The following GOLGA4 variants were observed in gnomAD, a reference collection of about 807,000 sequenced individuals.
The protein encoded by GOLGA4 is golgin A4, also known as golgin subfamily A member 4.
In GOLGA4, 169 loss-of-function variants were observed where a neutral mutation model predicts 265.9. The observed-to-expected ratio is 0.64, with a 90% CI of 0.56 to 0.72. The LOEUF is 0.72. Ranked by LOEUF, GOLGA4 falls within the 30% of genes least tolerant of loss-of-function variation. The pLI is 0.00. For synonymous variants in GOLGA4, 923 were observed against 855.8 expected (o/e 1.08, Z -1.37); for missense variants, 2,482 against 2,483.4 (o/e 1.00, Z 0.01).
At chr3:37,362,780 C>CCTT (rs1375290747) in intron 23 of GOLGA4, among the ~76,000 whole-genome samples, 5 of 75,456 alleles carry the variant, frequency 6.6e-5, no homozygotes, top group African/African-American at 2.1e-4. Flanking sequence ...AGCCTCTAAG[C>CCTT]TTTTTTTTTT....
intron 2 of GOLGA4, chr3:37,275,690 G>C: frequency 1.2e-6 from 2 of 1,611,938 alleles, no homozygotes; most frequent in Non-Finnish European, 1.7e-6. Flanking sequence ...ACCTGCCGGA[G>C]CCATGGAGGA....
intron 9 of GOLGA4, among the ~76,000 whole-genome samples, chr3:37,300,306 T>C (rs2096889312): frequency 6.6e-6 from 1 of 152,166 alleles, no homozygotes; most frequent in Admixed American, 6.5e-5. Flanking sequence ...TCCCAGTTTG[T>C]TCCATAGCAT....
At chr3:37,283,610 C>T (rs2096840510) in intron 3 of GOLGA4, among the ~76,000 whole-genome samples, 1 of 152,118 alleles carries the variant, frequency 6.6e-6, no homozygotes, top group Non-Finnish European at 1.5e-5. Flanking sequence ...CTTCAACTTC[C>T]TGGGCCCAAG....
intron 4 of GOLGA4, among the ~76,000 whole-genome samples, chr3:37,287,251 G>A (rs971681670): frequency 3.3e-5 from 5 of 152,196 alleles, no homozygotes; most frequent in Non-Finnish European, 7.3e-5. Context: ...TGAGGCAGGA[G>A]AATTGCTTGA....
intron 2 of GOLGA4, among the ~76,000 whole-genome samples, chr3:37,267,426 G>A (rs9809152): frequency 0.014 from 2,097 of 152,258 alleles, 45 homozygotes; most frequent in African/African-American, 0.048. Flanking sequence ...TTATTTTGCA[G>A]TTACCTGTTT....
At chr3:37,302,995 C>A (rs1181132989) in intron 10 of GOLGA4, among the ~76,000 whole-genome samples, 1 of 152,184 alleles carries the variant, frequency 6.6e-6, no homozygotes, top group Non-Finnish European at 1.5e-5. Flanking sequence ...TTGAATTGGA[C>A]CTCAAATAAT....
chr3:37,305,360 C>T (rs1559406021), intron 10 of GOLGA4, among the ~76,000 whole-genome samples: 1 of 152,196 alleles, frequency 6.6e-6, no homozygotes, highest in Non-Finnish European at 1.5e-5. Context: ...CAAACTGTCT[C>T]TACATTGAAG....
At chr3:37,274,583 A>G (rs535925327) in intron 2 of GOLGA4, among the ~76,000 whole-genome samples, 1 of 152,124 alleles carries the variant, frequency 6.6e-6, no homozygotes, top group East Asian at 1.9e-4. Context: ...AATCCCAGCT[A>G]TTCAGGGGAC....
At chr3:37,285,177 T>G (rs2096845186) in intron 3 of GOLGA4, among the ~76,000 whole-genome samples, 1 of 142,288 alleles carries the variant, frequency 7.0e-6, no homozygotes, top group African/African-American at 2.6e-5. Flanking sequence ...TTTTTTTAAA[T>G]TATAATAGAG....
At chr3:37,266,241 C>A (rs2096783290) in intron 2 of GOLGA4, among the ~76,000 whole-genome samples, 1 of 151,774 alleles carries the variant, frequency 6.6e-6, no homozygotes, top group African/African-American at 2.4e-5. Flanking sequence ...ACTCTGTCAC[C>A]CAGGCTGGAG....
chr3:37,339,222 A>G (rs916396988), intron 19 of GOLGA4, among the ~76,000 whole-genome samples: 2 of 152,148 alleles, frequency 1.3e-5, no homozygotes, highest in Non-Finnish European at 2.9e-5. Context: ...TTAATAGCAT[A>G]TATCAGTATT....
chr3:37,343,113 T>TTTTG (rs543666593), intron 20 of GOLGA4, among the ~76,000 whole-genome samples: 176 of 151,776 alleles, frequency 1.2e-3, no homozygotes, highest in Non-Finnish European at 1.7e-3. Context: ...AGGCTGGGTT[T>TTTTG]TTTGTTTGTT....
chr3:37,343,740 G>C (rs1559460888), intron 20 of GOLGA4, among the ~76,000 whole-genome samples: 1 of 152,220 alleles, frequency 6.6e-6, no homozygotes. Flanking sequence ...TAGAACTAGA[G>C]GCTTGAGCAG....
chr3:37,275,598 T>A, intron 2 of GOLGA4: 1 of 1,416,174 alleles, frequency 7.1e-7, no homozygotes, highest in Non-Finnish European at 1.0e-6. Flanking sequence ...TGGGGGTTGC[T>A]GCGCGCCGGG....
At chr3:37,302,145 T>A in intron 9 of GOLGA4, 40 bp from the exon 10 acceptor site, 1 of 1,586,264 alleles carries the variant, frequency 6.3e-7, no homozygotes, top group Non-Finnish European at 8.6e-7. Context: ...ATGATGCAGT[T>A]TTGTTATGCA....
rs763290198 is a variant in GOLGA4, at chr3:37,326,822, C to G, written c.4936C>G (p.Gln1646Glu). Reference sequence around the variant, plus strand: ...AGCAGAGTTGAAGAGAAAAGCTGAACAAAAAATTGCTGCCATTAAGAAGCA... The same window carrying G: ...AGCAGAGTTGAAGAGAAAAGCTGAAGAAAAAATTGCTGCCATTAAGAAGCA... Reference protein sequence around the residue: ...KLAELKRKAEQKIAAIKKQLL... With the variant: ...KLAELKRKAEEKIAAIKKQLL... Residue 1646 changes from glutamine (Q) to glutamate (E), a missense_variant, in exon 14 of 24, where the codon CAA (glutamine) becomes GAA (glutamate). Physicochemically the swap from Gln to Glu is conservative, Grantham distance 29. Coordinates refer to ENST00000361924, the MANE Select transcript of GOLGA4 (RefSeq NM_002078.5). 1 of 1,613,270 alleles carries G rather than the reference C, an allele frequency of 6.2e-7. No individual in the cohort carries two copies. Among genetic ancestry groups the G allele is most frequent in the South Asian group, 1.1e-5 (1 of 90,962 alleles).
chr3:37,246,306 C>CAAAA (rs58075364), intron 1 of GOLGA4, among the ~76,000 whole-genome samples: 1 of 75,486 alleles, frequency 1.3e-5, no homozygotes, highest in African/African-American at 4.4e-5. Flanking sequence ...GACTCCGTCT[C>CAAAA]AAAAAAAAAA....
intron 2 of GOLGA4, among the ~76,000 whole-genome samples, chr3:37,269,910 T>C (rs1352430010): frequency 8.4e-6 from 1 of 119,466 alleles, no homozygotes; most frequent in Non-Finnish European, 1.8e-5. Flanking sequence ...TTTTTTTTTT[T>C]TGAGGCAGAG....
rs1158042694 is a variant in GOLGA4, at chr3:37,361,266, C to G, written c.6687C>G (p.Ile2229Met). The G allele has an allele frequency of 1.9e-6, 3 of 1,612,912 alleles. No individual in the cohort carries two copies. Among genetic ancestry groups the G allele is most frequent in the Non-Finnish European group, 2.5e-6 (3 of 1,179,148 alleles). ...RLMFTSPRSG[I>M]F is the part of the protein sequence containing the mutation. ...AGTTTACTTCACCTCGCAGTGGTAT[C>G]TTCTGAGTAAACCATCAGTCTGTGC... The change falls in exon 23 of 24, where the codon ATC (isoleucine) becomes ATG (methionine). Residue 2229 changes from isoleucine (I) to methionine (M), a missense_variant. Transcript: ENST00000361924.
Sources: allele counts gnomAD v4.1 joint callset (sites outside exome capture counted in the v4.1 genomes callset), GRCh38; gene constraint gnomAD v4.1.1; transcripts MANE v1.5; gene names NCBI Gene and HGNC (gene_info 2026-07-23, HGNC 2026-07-21).